Variants in MORC3 observed in about 807,000 individuals in gnomAD.
The protein encoded by MORC3 is MORC family CW-type zinc finger protein 3.
Under a neutral mutation model 109.1 loss-of-function variants are expected in MORC3, and 31 were observed. That is an observed-to-expected ratio of 0.28 (90% confidence interval 0.21 to 0.38). The LOEUF (loss-of-function observed/expected upper bound fraction) is 0.38. Ranked by LOEUF, MORC3 falls within the 10% of genes least tolerant of loss-of-function variation. The probability of loss-of-function intolerance (pLI) is 1.00; values close to 1 mark genes in which losing one functional copy is unlikely to be tolerated. For synonymous variants in MORC3, 395 were observed against 380.7 expected (o/e 1.04, Z -0.44); for missense variants, 867 against 1,135.8 (o/e 0.76, Z 3.40).
chr21:36,326,259 C>A (rs1349095606), intron 1 of MORC3, among the ~76,000 whole-genome samples: 1 of 147,006 alleles, frequency 6.8e-6, no homozygotes, highest in African/African-American at 2.5e-5. Context: ...CTCGGTGGCT[C>A]ATGCCTGTAA....
At position 36,362,358 on chromosome 21, in the gene MORC3, C is replaced by T. The variant is rs990426949; in HGVS notation, c.1452+130C>T. 8 of 972,474 alleles carry T rather than the reference C, an allele frequency of 8.2e-6. No homozygotes were observed. The Middle Eastern group carries it at 1.0e-3, about 124-fold the overall frequency. The allele number at this position is 972,474 out of a possible 1,614,324, so 60.2% of individuals were successfully genotyped here. A position where few individuals can be genotyped will look rare whatever the true frequency, so the allele number is the denominator to read the frequency against. On this transcript the variant is annotated intron_variant, in intron 13 of 16. Transcript: ENST00000400485. Reference sequence around the variant, plus strand: ...AGGAGTTCAAGACCAGCCTGGCCAACATGGTGAAACCCTGTCTCTACTAAA... The same window carrying T: ...AGGAGTTCAAGACCAGCCTGGCCAATATGGTGAAACCCTGTCTCTACTAAA...
At chr21:36,333,939 C>T (rs543459303) in intron 2 of MORC3, among the ~76,000 whole-genome samples, 6 of 152,014 alleles carry the variant, frequency 3.9e-5, no homozygotes, top group Non-Finnish European at 5.9e-5. Flanking sequence ...CCTGCCACCA[C>T]GACCAGCTAA....
At chr21:36,326,818 A>ATT (rs879920096) in intron 1 of MORC3, among the ~76,000 whole-genome samples, 2 of 144,582 alleles carry the variant, frequency 1.4e-5, no homozygotes, top group Non-Finnish European at 1.5e-5. Flanking sequence ...AAATTTAAAG[A>ATT]TTTTTTTTTT....
intron 9 of MORC3, among the ~76,000 whole-genome samples, chr21:36,355,198 T>C (rs772483366): frequency 3.0e-4 from 45 of 152,204 alleles, no homozygotes; most frequent in Middle Eastern, 3.2e-3. Context: ...TGACCCTCCT[T>C]GTTATCTAGA....
intron 8 of MORC3, among the ~76,000 whole-genome samples, chr21:36,346,143 C>T (rs911818535): frequency 2.6e-5 from 4 of 152,144 alleles, no homozygotes; most frequent in Non-Finnish European, 5.9e-5. Flanking sequence ...GCCTTAGCCT[C>T]CCAAGTAGCT....
At chr21:36,327,747 C>T (rs1037136809) in intron 1 of MORC3, among the ~76,000 whole-genome samples, 1 of 147,662 alleles carries the variant, frequency 6.8e-6, no homozygotes, top group Admixed American at 6.6e-5. Context: ...CCCTTGATTT[C>T]GCTGAAGGTC....
intron 9 of MORC3, 96 bp downstream of exon 9, chr21:36,349,504 C>T: frequency 1.4e-6 from 1 of 728,474 alleles, no homozygotes; most frequent in Non-Finnish European, 2.1e-6. Context: ...TCAGAAATAC[C>T]TTATTAGTAA....
chr21:36,350,542 CAAAAAAAAA>C (rs34750900), intron 9 of MORC3, among the ~76,000 whole-genome samples: 1 of 116,296 alleles, frequency 8.6e-6, no homozygotes, highest in Non-Finnish European at 1.8e-5. Context: ...CACCCTGCCT[CAAAAAAAAA>C]AAAAAAAAAA....
intron 8 of MORC3, among the ~76,000 whole-genome samples, chr21:36,345,611 G>C (rs2085499342): frequency 6.6e-6 from 1 of 151,948 alleles, no homozygotes; most frequent in Admixed American, 6.6e-5. Flanking sequence ...TAGTAGAGGT[G>C]AGGTTTCAGT....
intron 2 of MORC3, among the ~76,000 whole-genome samples, chr21:36,336,136 G>A (rs941877717): frequency 6.7e-6 from 1 of 150,084 alleles, no homozygotes; most frequent in Non-Finnish European, 1.5e-5. Flanking sequence ...TCACCCTGTC[G>A]GCCAGGCTGG....
chr21:36,351,046 C>T (rs369381289), intron 9 of MORC3, among the ~76,000 whole-genome samples: 17 of 140,360 alleles, frequency 1.2e-4, no homozygotes, highest in Non-Finnish European at 1.8e-4. Flanking sequence ...TTGTTAACTA[C>T]GGTTGTCCTC....
chr21:36,358,740 C>T (rs1284919363), intron 10 of MORC3, among the ~76,000 whole-genome samples: 9 of 151,578 alleles, frequency 5.9e-5, no homozygotes, highest in Admixed American at 6.6e-5. Context: ...AGTGCAGTGG[C>T]GCAATCTCGG....
chr21:36,370,520 G>T (rs951193311), intron 15 of MORC3, among the ~76,000 whole-genome samples: 3 of 148,192 alleles, frequency 2.0e-5, no homozygotes, highest in Non-Finnish European at 4.4e-5. Flanking sequence ...CTTTAGTTAT[G>T]GAGTCATTCA....
chr21:36,337,112 T>C, intron 3 of MORC3, 106 bp downstream of exon 3: 1 of 1,318,016 alleles, frequency 7.6e-7, no homozygotes, highest in Non-Finnish European at 1.0e-6. Context: ...TGAAATGCTG[T>C]ATGTACAGTG....
At chr21:36,357,900 C>T (rs1445222908) in intron 10 of MORC3, among the ~76,000 whole-genome samples, 1 of 151,386 alleles carries the variant, frequency 6.6e-6, no homozygotes, top group East Asian at 2.0e-4. Flanking sequence ...GCCACCACGC[C>T]TGGCTAATGT....
chr21:36,326,846 C>T (rs1045866116), intron 1 of MORC3, among the ~76,000 whole-genome samples: 10 of 150,250 alleles, frequency 6.7e-5, no homozygotes, highest in African/African-American at 2.5e-4. Flanking sequence ...GACCGAGTCT[C>T]GCTCTGTCGC....
At chr21:36,366,052 T>C (rs1423287404) in intron 14 of MORC3, among the ~76,000 whole-genome samples, 2 of 152,218 alleles carry the variant, frequency 1.3e-5, no homozygotes, top group South Asian at 2.1e-4. Context: ...TTTTAACTTT[T>C]AGATTCAGGG....
At position 36,368,973 on chromosome 21, in the gene MORC3, T is replaced by A. The variant is rs148846338; in HGVS notation, c.1620-15T>A. 9 of 1,569,486 alleles carry A rather than the reference T, an allele frequency of 5.7e-6. No homozygotes were observed. In the African/African-American group the frequency reaches 1.1e-4, roughly 19 times the overall value. On this transcript the variant is annotated splice_polypyrimidine_tract_variant and intron_variant, in intron 14 of 16. Coordinates refer to ENST00000400485, the MANE Select transcript of MORC3 (RefSeq NM_015358.3). Reference sequence around the variant, plus strand: ...ATTTTATAATCTTATGTTTTATGTATAAAATTTTTTTCAGCTTGAAACGGA... The same window carrying A: ...ATTTTATAATCTTATGTTTTATGTAAAAAATTTTTTTCAGCTTGAAACGGA...
chr21:36,343,026 T>C (rs1332744595), intron 6 of MORC3, among the ~76,000 whole-genome samples: 1 of 150,892 alleles, frequency 6.6e-6, no homozygotes, highest in Non-Finnish European at 1.5e-5. Context: ...TCTCAAAAAA[T>C]AAAAATAAAA....
Sources: gnomAD v4.1 joint callset for allele counts (sites outside exome capture counted in the v4.1 genomes callset) on GRCh38, gnomAD v4.1.1 for gene constraint, MANE v1.5 for transcripts, NCBI Gene and HGNC (gene_info 2026-07-23, HGNC 2026-07-21) for gene names.